DCDC2C: variants seen among roughly 807,000 people sequenced by gnomAD.
The protein encoded by DCDC2C is doublecortin domain-containing protein 2C.
In DCDC2C, 44 loss-of-function variants were observed where a neutral mutation model predicts 45.0. The observed-to-expected ratio is 0.98, with a 90% confidence interval of 0.77 to 1.26. DCDC2C has a LOEUF of 1.26. Ranked by LOEUF, DCDC2C falls within the 50% of genes most tolerant of loss-of-function variation. The pLI, the probability that DCDC2C is intolerant of heterozygous loss-of-function variation, is 0.00. For missense variants in DCDC2C, 447 were observed against 468.9 expected (o/e 0.95, Z 0.43); for synonymous variants, 187 against 178.8 (o/e 1.05, Z -0.37).
rs572002346 is a variant in DCDC2C, at chr2:3,791,307, G to A, written c.1065+6207G>A. On this transcript the variant is annotated intron_variant, in intron 10 of 10. Coordinates refer to ENST00000399143, the MANE Select transcript of DCDC2C (RefSeq NM_001287444.2). Reference sequence around the variant, plus strand: ...AGAGGCAGTCATGGATGAACCAATCGCCTTTTCGTGTGGTGGGCTCCACTC... The same window carrying A: ...AGAGGCAGTCATGGATGAACCAATCACCTTTTCGTGTGGTGGGCTCCACTC... 1.4e-4 allele frequency among the ~76,000 whole-genome samples: 21 copies of A among 152,258 alleles called. No homozygotes were observed. In the South Asian group the frequency reaches 2.9e-3, roughly 21 times the overall value.
intron 2 of DCDC2C, among the ~76,000 whole-genome samples, chr2:3,715,703 A>G (rs978485385): frequency 6.6e-6 from 1 of 152,162 alleles, no homozygotes; most frequent in Non-Finnish European, 1.5e-5. Context: ...TAATATGTGT[A>G]TGTGTACTAA....
chr2:3,767,782 AATATGATGGC>A lies in DCDC2C; in HGVS notation c.759_768del (p.Asp254ProfsTer23). The stretch of plus-strand genomic sequence containing the variant: ...GACTCCAAAGGAAAAGAACCTTGTA[AATATGATGGC>A]ATACCCCCTAAAACACAGGATTCTG... On this transcript the variant is annotated frameshift_variant, in exon 7 of 11. Transcript: ENST00000399143. LOFTEE classifies it high-confidence loss of function. 2 of 1,550,688 alleles carry A rather than the reference AATATGATGGC, an allele frequency of 1.3e-6. No homozygotes were observed. Among genetic ancestry groups the A allele is most frequent in the Non-Finnish European group, 1.7e-6 (2 of 1,146,980 alleles).
chr2:3,736,763 C>T (rs1463951570), intron 3 of DCDC2C, among the ~76,000 whole-genome samples: 1 of 152,178 alleles, frequency 6.6e-6, no homozygotes, highest in Non-Finnish European at 1.5e-5. Flanking sequence ...TTCTGCAGTT[C>T]TCAACGAGAA....
At position 3,769,066 on chromosome 2, in the gene DCDC2C, A is replaced by T. The variant is rs1161319297; in HGVS notation, c.854-245A>T. 2.0e-5 allele frequency: 9 copies of T among 449,224 alleles called. 1 individual carries two copies. Among genetic ancestry groups the T allele is most frequent in the Non-Finnish European group, 3.3e-5 (8 of 243,218 alleles). The allele number at this position is 449,224 out of a possible 1,614,324, so 27.8% of individuals were successfully genotyped here. ...ACTTTCAGGGTCCAGGACCTTCATG[A>T]AGACAGAGACAAAAGCAGACGGGGC... On this transcript the variant is annotated intron_variant, in intron 7 of 10. Transcript: ENST00000399143.
At chr2:3,822,215 T>C (rs956431726) in intron 10 of DCDC2C, among the ~76,000 whole-genome samples, 1 of 152,246 alleles carries the variant, frequency 6.6e-6, no homozygotes, top group Non-Finnish European at 1.5e-5. Flanking sequence ...AAATGTTTGG[T>C]AGAATTCACA....
At chr2:3,730,291 A>T (rs1290519934) in intron 3 of DCDC2C, among the ~76,000 whole-genome samples, 1 of 152,180 alleles carries the variant, frequency 6.6e-6, no homozygotes, top group East Asian at 1.9e-4. Flanking sequence ...TCTCTTAAAA[A>T]AAAATAAAGA....
In DCDC2C at chr2:3,847,918, T is replaced by G. The variant is rs1026241412; in HGVS notation, c.*735T>G. Among the ~76,000 whole-genome samples, 12 of 152,294 alleles carry G rather than the reference T, an allele frequency of 7.9e-5. No individual in the cohort carries two copies. The highest frequency in any genetic ancestry group is 2.6e-4 in the African/African-American group (11 of 41,554). On this transcript the variant is annotated 3_prime_UTR_variant, in exon 11 of 11. Coordinates refer to ENST00000399143, the MANE Select transcript of DCDC2C (RefSeq NM_001287444.2). ...TTGCTTCCCCTTCGCCCTTCTGCTA[T>G]GATTGTAAGTTTCCTGAGGCCTCCC...
At chr2:3,798,541 C>G (rs1344649157) in intron 10 of DCDC2C, among the ~76,000 whole-genome samples, 2 of 150,044 alleles carry the variant, frequency 1.3e-5, no homozygotes, top group African/African-American at 4.9e-5. Flanking sequence ...GTGCTTCCTT[C>G]AGGAGCTCTT....
At chr2:3,725,607 CCTGGA>C (rs1668637548) in intron 2 of DCDC2C, among the ~76,000 whole-genome samples, 2 of 149,476 alleles carry the variant, frequency 1.3e-5, no homozygotes, top group African/African-American at 4.9e-5. Context: ...CCAGGTGGAT[CCTGGA>C]GGGAGACCGC....
chr2:3,799,693 C>A (rs1377801074), intron 10 of DCDC2C, among the ~76,000 whole-genome samples: 9 of 152,204 alleles, frequency 5.9e-5, no homozygotes, highest in Non-Finnish European at 1.3e-4. Context: ...GGTCAGGGGT[C>A]AGGGACCCAC....
chr2:3,823,228 G>A (rs1224492108), intron 10 of DCDC2C, among the ~76,000 whole-genome samples: 1 of 151,758 alleles, frequency 6.6e-6, no homozygotes, highest in Non-Finnish European at 1.5e-5. Context: ...TTTCCTCTCT[G>A]ATCTATTTTT....
At chr2:3,759,534 C>T (rs1202797892) in intron 6 of DCDC2C, among the ~76,000 whole-genome samples, 2 of 151,950 alleles carry the variant, frequency 1.3e-5, no homozygotes, top group Admixed American at 6.5e-5. Context: ...CTGTGGAGGA[C>T]GTGGGAGAAG....
chr2:3,783,383 C>A (rs1670565144), intron 9 of DCDC2C, among the ~76,000 whole-genome samples: 1 of 152,170 alleles, frequency 6.6e-6, no homozygotes, highest in African/African-American at 2.4e-5. Flanking sequence ...GGGCTCACTG[C>A]AGAGCCAGCC....
intron 5 of DCDC2C, 63 bp from the exon 6 acceptor site, chr2:3,754,529 A>ATT: frequency 6.6e-7 from 1 of 1,520,164 alleles, no homozygotes; most frequent in Non-Finnish European, 8.9e-7. Context: ...TGCAGTCTGC[A>ATT]TTTTATAGAG....
chr2:3,773,248 GT>G (rs1339126770), intron 8 of DCDC2C, among the ~76,000 whole-genome samples: 2 of 42,358 alleles, frequency 4.7e-5, no homozygotes, highest in East Asian at 1.7e-3. Flanking sequence ...ACGACCCCCT[GT>G]TTTTTTTCCC....
chr2:3,832,776 T>G (rs1040577605), intron 10 of DCDC2C, among the ~76,000 whole-genome samples: 1 of 152,242 alleles, frequency 6.6e-6, no homozygotes, highest in African/African-American at 2.4e-5. Flanking sequence ...GAGTGAGCCA[T>G]GCAGTTTCTC....
chr2:3,747,303 A>C (rs931885934), intron 4 of DCDC2C, among the ~76,000 whole-genome samples: 2 of 152,172 alleles, frequency 1.3e-5, no homozygotes, highest in African/African-American at 4.8e-5. Context: ...CTTATCCACT[A>C]GCGGGTGTTC....
chr2:3,785,118 A>G lies in DCDC2C; in HGVS notation c.1065+18A>G. On this transcript the variant is annotated intron_variant, in intron 10 of 10. Transcript: ENST00000399143. ...AAAGAAAGGTTTGTATCAACAACAA[A>G]TGCTGTAGTTTTGCGTTTTCTATTC... The G allele has an allele frequency of 8.1e-7, 1 of 1,231,668 alleles. No individual in the cohort carries two copies. The highest frequency in any genetic ancestry group is 1.0e-6 in the Non-Finnish European group (1 of 987,878). The allele number at this position is 1,231,668 out of a possible 1,614,324, so 76.3% of individuals were successfully genotyped here. A position where few individuals can be genotyped will look rare whatever the true frequency, so the allele number is the denominator to read the frequency against.
In DCDC2C at chr2:3,727,825, A is replaced by G. The variant is rs796619036; in HGVS notation, c.416+746A>G. Among the ~76,000 whole-genome samples the G allele has an allele frequency of 8.7e-4, 133 of 152,288 alleles. 5 individuals carry two copies. The highest frequency in any genetic ancestry group is 6.5e-4 in the Admixed American group (10 of 15,304). On this transcript the variant is annotated intron_variant, in intron 3 of 10. Coordinates refer to ENST00000399143, the MANE Select transcript of DCDC2C (RefSeq NM_001287444.2). ...GCTGAGGATGTCTCCCATTGTGGAA[A>G]ACAGGGCTGAGAATATGCAGCACAC...
Sources: allele counts gnomAD v4.1 joint callset (sites outside exome capture counted in the v4.1 genomes callset), GRCh38; gene constraint gnomAD v4.1.1; transcripts MANE v1.5; gene names NCBI Gene and HGNC (gene_info 2026-07-23, HGNC 2026-07-21).